Variants in CDK5RAP1 observed in about 807,000 individuals in gnomAD.
CDK5RAP1 encodes mitochondrial tRNA methylthiotransferase CDK5RAP1.
Under a neutral mutation model 64.5 loss-of-function variants are expected in CDK5RAP1, and 62 were observed. The ratio of observed to expected loss-of-function variants is 0.96; its 90% CI spans 0.78 to 1.19. The LOEUF (loss-of-function observed/expected upper bound fraction) is 1.19. Among genes scored for constraint, CDK5RAP1 ranks in the 50% most tolerant of loss-of-function variants. CDK5RAP1 has a pLI of 0.00. For synonymous variants in CDK5RAP1, 250 were observed against 261.9 expected (o/e 0.95, Z 0.44); for missense variants, 657 against 735.0 (o/e 0.89, Z 1.23).
chr20:33,392,720 C>T (rs546764944), intron 4 of CDK5RAP1, among the ~76,000 whole-genome samples: 10 of 152,154 alleles, frequency 6.6e-5, no homozygotes, highest in Admixed American at 6.6e-4. Context: ...CCTGAAAAGC[C>T]TTTAAGCCAA....
At chr20:33,360,297 C>T in intron 13 of CDK5RAP1, 54 bp downstream of exon 13, 1 of 1,558,822 alleles carries the variant, frequency 6.4e-7, no homozygotes, top group Non-Finnish European at 8.7e-7. Flanking sequence ...CCACAAATAT[C>T]CAAACCAACA....
intron 5 of CDK5RAP1, 48 bp downstream of exon 5, chr20:33,392,094 A>G: frequency 8.4e-7 from 1 of 1,196,796 alleles, no homozygotes; most frequent in South Asian, 1.2e-5. Flanking sequence ...ATAAAGCCAC[A>G]TAAAGTCCAA....
At chr20:33,362,284 T>C (rs909372634) in intron 12 of CDK5RAP1, among the ~76,000 whole-genome samples, 1 of 151,724 alleles carries the variant, frequency 6.6e-6, no homozygotes, top group Non-Finnish European at 1.5e-5. Flanking sequence ...CCAAAGAAAA[T>C]GGCATAGAGT....
intron 7 of CDK5RAP1, among the ~76,000 whole-genome samples, chr20:33,384,931 C>T (rs1241399468): frequency 6.6e-6 from 1 of 152,080 alleles, no homozygotes; most frequent in African/African-American, 2.4e-5. Context: ...AGAACTGGGG[C>T]AGGGGCTACC....
At chr20:33,375,835 T>C (rs778032330) in intron 8 of CDK5RAP1, among the ~76,000 whole-genome samples, 3 of 152,164 alleles carry the variant, frequency 2.0e-5, no homozygotes, top group Non-Finnish European at 4.4e-5. Context: ...GTGAAAGCAA[T>C]GTACATACCT....
rs1010998053 is a variant in CDK5RAP1 at position 33,360,153 on chromosome 20, G to A, written c.1683+198C>T. 3 of 576,976 alleles carry A rather than the reference G, an allele frequency of 5.2e-6. No homozygotes were observed. The African/African-American group carries it at 5.6e-5, about 11-fold the overall frequency. The allele number at this position is 576,976 out of a possible 1,614,324, so 35.7% of individuals were successfully genotyped here. On this transcript the variant is annotated intron_variant, in intron 13 of 13. Coordinates refer to ENST00000346416, the MANE Select transcript of CDK5RAP1 (RefSeq NM_016408.4). ...CCCACAAAGAACGCTTCCAGGGCAG[G>A]AGAATAGGTAAGAAGAATAAGAAGG...
At chr20:33,391,456 T>C (rs982617362) in intron 5 of CDK5RAP1, among the ~76,000 whole-genome samples, 8 of 152,246 alleles carry the variant, frequency 5.3e-5, no homozygotes, top group African/African-American at 1.4e-4. Context: ...GGTTACCATA[T>C]TGGTGAGGCA....
In CDK5RAP1 at chr20:33,372,699, T is replaced by A. The variant is rs780260019; in HGVS notation, c.1206-2A>T. ...TCCACATAAGCTTCTCTTGAATATCTGCAATAAAGAACAAAAGGAAAAGGC... is the reference window on the plus strand; with the variant it reads ...TCCACATAAGCTTCTCTTGAATATCAGCAATAAAGAACAAAAGGAAAAGGC... On this transcript the variant is annotated splice_acceptor_variant, in intron 9 of 13. Transcript: ENST00000346416. LOFTEE classifies it high-confidence loss of function. 4 of 1,580,926 alleles carry A rather than the reference T, an allele frequency of 2.5e-6. No individual in the cohort carries two copies. The highest frequency in any genetic ancestry group is 3.4e-6 in the Non-Finnish European group (4 of 1,160,702).
intron 7 of CDK5RAP1, among the ~76,000 whole-genome samples, chr20:33,381,399 T>G (rs1028979065): frequency 6.6e-6 from 1 of 152,124 alleles, no homozygotes; most frequent in Non-Finnish European, 1.5e-5. Context: ...TTACCAATAG[T>G]CCAAATAATG....
At chr20:33,388,165 G>C (rs915052595) in intron 5 of CDK5RAP1, among the ~76,000 whole-genome samples, 9 of 151,754 alleles carry the variant, frequency 5.9e-5, no homozygotes, top group Admixed American at 5.9e-4. Context: ...GAAATAAAAA[G>C]TATTCTGTGT....
At position 33,374,095 on chromosome 20, in the gene CDK5RAP1, C is replaced by T. The variant is rs1323711733; in HGVS notation, c.1205+20G>A. On this transcript the variant is annotated intron_variant, in intron 9 of 13. Transcript: ENST00000346416. ...AAACATGGAAAAGTGAGGGATGCCC[C>T]CTCTCCAAGCAAGCCTGACCCCCTC... 2.6e-6 allele frequency: 4 copies of T among 1,557,340 alleles called. No homozygotes were observed. The South Asian group carries it at 3.3e-5, about 13-fold the overall frequency.
intron 2 of CDK5RAP1, among the ~76,000 whole-genome samples, chr20:33,396,146 T>C (rs1180994501): frequency 6.6e-6 from 1 of 152,248 alleles, no homozygotes; most frequent in Non-Finnish European, 1.5e-5. Flanking sequence ...GTAGCAGCAG[T>C]GGCCAGAGGG....
chr20:33,388,513 TCCCTCTCCCTCTCCCTCTCC>T (rs1600782770), intron 5 of CDK5RAP1, among the ~76,000 whole-genome samples: 1 of 133,290 alleles, frequency 7.5e-6, no homozygotes, highest in African/African-American at 3.0e-5. Flanking sequence ...CAGCTCCCTC[TCCCTCTCCCTCTCCCTCTCC>T]CCCTCTCCCT....
At chr20:33,368,197 C>T (rs537957284) in intron 11 of CDK5RAP1, among the ~76,000 whole-genome samples, 2 of 152,306 alleles carry the variant, frequency 1.3e-5, no homozygotes, top group Non-Finnish European at 2.9e-5. Flanking sequence ...GTTCCTATAA[C>T]CTTAACCCTT....
intron 4 of CDK5RAP1, among the ~76,000 whole-genome samples, 173 bp downstream of exon 4, chr20:33,393,859 T>C (rs956864964): frequency 2.6e-5 from 4 of 152,236 alleles, no homozygotes; most frequent in Non-Finnish European, 4.4e-5. Context: ...CCACGGTACA[T>C]GCCCAGCCAA....
rs760822787 is a variant in CDK5RAP1, at chr20:33,385,690, A to G, written c.836T>C (p.Ile279Thr). 1.9e-6 allele frequency: 3 copies of G among 1,614,162 alleles called. No homozygotes were observed. In the South Asian group the frequency reaches 3.3e-5, roughly 18 times the overall value. Residue 279 changes from isoleucine to threonine, a missense_variant, in exon 7 of 14, where the codon ATT (isoleucine) becomes ACT (threonine). Coordinates refer to ENST00000346416, the MANE Select transcript of CDK5RAP1 (RefSeq NM_016408.4). Reference sequence around the variant, plus strand: ...CTTCACTTCCTCTAGAATGGAGGCAATAGGCCGACTCCTCTCCCTGCCCCG... The same window carrying G: ...CTTCACTTCCTCTAGAATGGAGGCAGTAGGCCGACTCCTCTCCCTGCCCCG... ...FTRGRERSRP[I>T]ASILEEVKKL...
rs1306554976 is a variant in CDK5RAP1 at position 33,394,013 on chromosome 20, G to A, written c.443+19C>T. 1.2e-5 allele frequency: 18 copies of A among 1,555,776 alleles called. No individual in the cohort carries two copies. The highest frequency in any genetic ancestry group is 1.6e-5 in the Non-Finnish European group (18 of 1,126,642). On this transcript the variant is annotated intron_variant, in intron 4 of 13. Coordinates refer to ENST00000346416, the MANE Select transcript of CDK5RAP1 (RefSeq NM_016408.4). ...TTACATAAAATACATTCACTCCTAG[G>A]AAAAGAACAAATTCGCACCTGATAG... is the stretch of plus-strand genomic sequence containing the variant.
At chr20:33,384,437 G>A (rs982824752) in intron 7 of CDK5RAP1, among the ~76,000 whole-genome samples, 2 of 152,134 alleles carry the variant, frequency 1.3e-5, no homozygotes, top group African/African-American at 2.4e-5. Flanking sequence ...AAGGGGAGAG[G>A]AAGGAGACAA....
chr20:33,370,316 A>G (rs762232725), intron 11 of CDK5RAP1, among the ~76,000 whole-genome samples, 183 bp downstream of exon 11: 1 of 152,232 alleles, frequency 6.6e-6, no homozygotes, highest in African/African-American at 2.4e-5. Context: ...ATGTATCATC[A>G]AATTGCTGAA....
Sources: allele counts gnomAD v4.1 joint callset (sites outside exome capture counted in the v4.1 genomes callset), GRCh38; gene constraint gnomAD v4.1.1; transcripts MANE v1.5; gene names NCBI Gene and HGNC (gene_info 2026-07-23, HGNC 2026-07-21).